SOX5: variants seen among roughly 807,000 people sequenced by gnomAD.
SOX5 encodes the protein transcription factor SOX-5.
SOX5 carries 9 observed loss-of-function variants against 92.0 expected under a neutral mutation model. The ratio of observed to expected loss-of-function variants is 0.10; its 90% CI spans 0.06 to 0.17. SOX5 has a LOEUF of 0.17. SOX5 is among the 10% of genes least tolerant of loss of function. The pLI, the probability that SOX5 is intolerant of heterozygous loss-of-function variation, is 1.00. For synonymous variants in SOX5, 344 were observed against 336.3 expected (o/e 1.02, Z -0.25); for missense variants, 642 against 944.5 (o/e 0.68, Z 4.20).
chr12:24,493,603 G>A (rs111960301), intron 1 of SOX5, among the ~76,000 whole-genome samples: 1,601 of 152,182 alleles, frequency 0.011, 21 homozygotes, highest in African/African-American at 0.035. Flanking sequence ...GGTGGCTCAC[G>A]CCTGTAATCC....
At chr12:24,537,036 G>A (rs774683088) in intron 1 of SOX5, among the ~76,000 whole-genome samples, 7 of 152,024 alleles carry the variant, frequency 4.6e-5, no homozygotes, top group Non-Finnish European at 8.8e-5. Context: ...ATATTATCAC[G>A]TGCTCCTGGC....
In SOX5 at chr12:23,724,838, CAAG is replaced by C. The variant is rs562190436; in HGVS notation, c.810+9843_810+9845del. The stretch of plus-strand genomic sequence containing the variant: ...GAACACTCAGCACGTTCCCAGCAAC[CAAG>C]AAGGACAGTTCAATCACATTTAAAA... On this transcript the variant is annotated intron_variant, in intron 6 of 14. Transcript: ENST00000451604. Among the ~76,000 whole-genome samples the C allele has an allele frequency of 3.8e-3, 582 of 152,280 alleles. 2 individuals carry two copies. The highest frequency in any genetic ancestry group is 0.012 in the African/African-American group (504 of 41,562).
chr12:24,284,184 G>A (rs1945554717), intron 2 of SOX5, among the ~76,000 whole-genome samples: 1 of 152,218 alleles, frequency 6.6e-6, no homozygotes, highest in Non-Finnish European at 1.5e-5. Flanking sequence ...TTCTAGTGAA[G>A]ATTTTGTGTG....
rs569532028 is a variant in SOX5 at position 24,522,085 on chromosome 12, A to C, written c.-251+40244T>G. On this transcript the variant is annotated intron_variant, in intron 1 of 4. Coordinates refer to the SOX5 transcript ENST00000446891. ...AAGACCCAAAATCAGAAATAAAGGA[A>C]GAGACATTACAATGAATGCCTCAAA... Among the ~76,000 whole-genome samples, 3 of 152,140 alleles carry C rather than the reference A, an allele frequency of 2.0e-5. No homozygotes were observed. In the South Asian group the frequency reaches 6.2e-4, roughly 32 times the overall value.
chr12:24,148,972 TCA>T (rs1951391169), intron 4 of SOX5, among the ~76,000 whole-genome samples: 1 of 152,064 alleles, frequency 6.6e-6, no homozygotes, highest in African/African-American at 2.4e-5. Context: ...CAAAACAAAC[TCA>T]GTGGATAAAG....
At chr12:23,597,218 C>T (rs1321000440) in intron 9 of SOX5, among the ~76,000 whole-genome samples, 1 of 152,186 alleles carries the variant, frequency 6.6e-6, no homozygotes, top group Non-Finnish European at 1.5e-5. Flanking sequence ...GGATACACAG[C>T]CCAGGCTGGT....
At chr12:24,382,365 G>A (rs1957911897) in intron 1 of SOX5, among the ~76,000 whole-genome samples, 1 of 152,084 alleles carries the variant, frequency 6.6e-6, no homozygotes, top group African/African-American at 2.4e-5. Context: ...CCACCACATA[G>A]GAGAAAGAGC....
rs147721821 is a variant in SOX5, at chr12:23,708,059, T to C, written c.810+26625A>G. On this transcript the variant is annotated intron_variant, in intron 6 of 14. Coordinates refer to ENST00000451604, the MANE Select transcript of SOX5 (RefSeq NM_006940.6). The stretch of plus-strand genomic sequence containing the variant: ...AGATTCTCCTCTCAATGAGAGAAGA[T>C]AGAAAATGGCTTAAGTAAGTGTAAT... 3.1e-3 allele frequency among the ~76,000 whole-genome samples: 479 copies of C among 152,136 alleles called. 2 individuals carry two copies. Among genetic ancestry groups the C allele is most frequent in the African/African-American group, 0.011 (455 of 41,550 alleles).
chr12:24,487,918 G>C (rs79255539), intron 1 of SOX5, among the ~76,000 whole-genome samples: 2 of 151,874 alleles, frequency 1.3e-5, no homozygotes, highest in Admixed American at 1.3e-4. Context: ...GATTCAGTAC[G>C]TTTCAAACCC....
chr12:24,207,094 C>T (rs1051129383), intron 4 of SOX5, among the ~76,000 whole-genome samples: 6 of 152,216 alleles, frequency 3.9e-5, no homozygotes, highest in African/African-American at 1.4e-4. Flanking sequence ...ATCTCTGTAA[C>T]ATCAGTGTGT....
At chr12:24,284,432 T>TTGTGTGTGTGTGTGTG (rs59803171) in intron 2 of SOX5, among the ~76,000 whole-genome samples, 11 of 149,564 alleles carry the variant, frequency 7.4e-5, no homozygotes, top group Non-Finnish European at 1.6e-4. Flanking sequence ...TTTTTTTTCT[T>TTGTGTGTGTGTGTGTG]TGTGTGTGTG....
chr12:24,185,993 C>G (rs1157683968), intron 4 of SOX5, among the ~76,000 whole-genome samples: 4 of 152,040 alleles, frequency 2.6e-5, no homozygotes, highest in Non-Finnish European at 5.9e-5. Context: ...ATACTATGCT[C>G]TCAACTAGAT....
chr12:23,874,948 C>G (rs144014182), intron 2 of SOX5, among the ~76,000 whole-genome samples: 13 of 152,300 alleles, frequency 8.5e-5, no homozygotes, highest in African/African-American at 3.1e-4. Flanking sequence ...ACTTATAGCT[C>G]AAAAGACCTC....
chr12:24,514,958 C>T (rs1949650090), intron 1 of SOX5, among the ~76,000 whole-genome samples: 1 of 152,038 alleles, frequency 6.6e-6, no homozygotes, highest in Non-Finnish European at 1.5e-5. Context: ...AGGCTTAATA[C>T]CTGGGTGATG....
chr12:23,567,390 G>A lies in SOX5; in HGVS notation c.1343-3987C>T, dbSNP rs146967329. Reference sequence around the variant, plus strand: ...ACATCTCAAATGAGATTTGGAAAATGTGGGTTAGAAATCATTAATGTAAGA... The same window carrying A: ...ACATCTCAAATGAGATTTGGAAAATATGGGTTAGAAATCATTAATGTAAGA... On this transcript the variant is annotated intron_variant, in intron 10 of 14. Coordinates refer to ENST00000451604, the MANE Select transcript of SOX5 (RefSeq NM_006940.6). 7.3e-3 allele frequency among the ~76,000 whole-genome samples: 1,105 copies of A among 151,424 alleles called. 14 individuals carry two copies. The highest frequency in any genetic ancestry group is 0.014 in the Middle Eastern group (4 of 290).
chr12:23,655,163 TA>T (rs1306290958), intron 7 of SOX5, among the ~76,000 whole-genome samples: 1 of 152,130 alleles, frequency 6.6e-6, no homozygotes, highest in African/African-American at 2.4e-5. Flanking sequence ...TCCTTGCCCG[TA>T]AATTGGAGAA....
intron 1 of SOX5, among the ~76,000 whole-genome samples, chr12:24,497,650 A>G (rs1947780372): frequency 6.6e-6 from 1 of 152,212 alleles, no homozygotes; most frequent in Non-Finnish European, 1.5e-5. Flanking sequence ...GTGATTCCTC[A>G]AAGATCTAGA....
chr12:24,193,114 A>G (rs1028813587), intron 4 of SOX5, among the ~76,000 whole-genome samples: 4 of 152,224 alleles, frequency 2.6e-5, no homozygotes, highest in Admixed American at 2.0e-4. Flanking sequence ...AGATGTACAC[A>G]CACGAAAAAC....
At chr12:24,118,018 C>CAAAAA (rs964710930) in intron 4 of SOX5, among the ~76,000 whole-genome samples, 9 of 41,740 alleles carry the variant, frequency 2.2e-4, no homozygotes, top group Non-Finnish European at 4.3e-4. Context: ...GACTCTCATT[C>CAAAAA]AAAAAAAAAA....
Sources: gnomAD v4.1 joint callset for allele counts (sites outside exome capture counted in the v4.1 genomes callset) on GRCh38, gnomAD v4.1.1 for gene constraint, MANE v1.5 for transcripts, NCBI Gene and HGNC (gene_info 2026-07-23, HGNC 2026-07-21) for gene names.